CACNA1A: variants seen among roughly 807,000 people sequenced by gnomAD.
CACNA1A encodes calcium voltage-gated channel subunit alpha1 A, also known as voltage-dependent P/Q-type calcium channel subunit alpha-1A.
In CACNA1A, 57 loss-of-function variants were observed where a neutral mutation model predicts 262.4. The ratio of observed to expected loss-of-function variants is 0.22; its 90% CI spans 0.18 to 0.27. The LOEUF is 0.27. Ranked by LOEUF, CACNA1A falls within the 10% of genes least tolerant of loss-of-function variation. The pLI is 1.00. For missense variants in CACNA1A, 2,526 were observed against 3,562.8 expected, an observed-to-expected ratio of 0.71 and a Z score of 7.41; for synonymous variants, 1,431 against 1,419.3, an observed-to-expected ratio of 1.01 and a Z score of -0.18.
intron 3 of CACNA1A, among the ~76,000 whole-genome samples, chr19:13,436,047 A>T (rs1305249188): frequency 6.6e-6 from 1 of 151,362 alleles, no homozygotes; most frequent in Non-Finnish European, 1.5e-5. Context: ...CTGGTCTTGA[A>T]CTCCTGACCT....
chr19:13,319,308 TATTC>T (rs769403377), intron 10 of CACNA1A, among the ~76,000 whole-genome samples: 6 of 152,254 alleles, frequency 3.9e-5, no homozygotes, highest in South Asian at 2.1e-4. Context: ...TTTGTTCATT[TATTC>T]ATTCATTCTT....
At chr19:13,414,704 T>A (rs1034802982) in intron 3 of CACNA1A, among the ~76,000 whole-genome samples, 23 of 151,964 alleles carry the variant, frequency 1.5e-4, no homozygotes, top group Non-Finnish European at 1.3e-4. Context: ...ATGTCTGTAG[T>A]CCCAGCACTT....
intron 4 of CACNA1A, among the ~76,000 whole-genome samples, chr19:13,368,270 T>C (rs2059253110): frequency 2.0e-5 from 3 of 151,882 alleles, no homozygotes; most frequent in Admixed American, 6.6e-5. Context: ...GAGCTGTGAT[T>C]GCACCACTGC....
chr19:13,261,052 G>A, intron 26 of CACNA1A: 1 of 165,050 alleles, frequency 6.1e-6, no homozygotes, highest in East Asian at 1.7e-4. Flanking sequence ...CACATTTTAT[G>A]GCAGAAATAT....
At chr19:13,313,240 G>A (rs902452615) in intron 11 of CACNA1A, among the ~76,000 whole-genome samples, 1 of 152,002 alleles carries the variant, frequency 6.6e-6, no homozygotes. Context: ...GGTGGCTCAC[G>A]TCTGTAATCC....
At chr19:13,332,387 G>C (rs2058482341) in intron 9 of CACNA1A, among the ~76,000 whole-genome samples, 1 of 151,780 alleles carries the variant, frequency 6.6e-6, no homozygotes, top group Non-Finnish European at 1.5e-5. Context: ...GTGACAGAGC[G>C]AGACTCTGTC....
chr19:13,289,837 C>T (rs1251591644), intron 19 of CACNA1A, among the ~76,000 whole-genome samples: 1 of 151,826 alleles, frequency 6.6e-6, no homozygotes, highest in Non-Finnish European at 1.5e-5. Context: ...TATCCTATGC[C>T]TGTCCCGCTG....
At chr19:13,467,513 A>T (rs1216944608) in intron 1 of CACNA1A, among the ~76,000 whole-genome samples, 2 of 151,990 alleles carry the variant, frequency 1.3e-5, no homozygotes, top group Admixed American at 6.6e-5. Context: ...CTCACCATAC[A>T]TCCTTGTGCA....
In CACNA1A at chr19:13,255,349, T is replaced by C. The variant is rs536641009; in HGVS notation, c.4591-90A>G. 3.3e-5 allele frequency: 41 copies of C among 1,228,856 alleles called. No individual in the cohort carries two copies. The South Asian group carries it at 3.8e-4, about 11-fold the overall frequency. 76.1% of individuals were successfully genotyped at this position (1,228,856 alleles called of 1,614,324 possible). A position where few individuals can be genotyped will look rare whatever the true frequency, so the allele number is the denominator to read the frequency against. On this transcript the variant is annotated intron_variant, in intron 28 of 46. Transcript: ENST00000360228. Reference sequence around the variant, plus strand: ...CCCTCTGTCTAACTCGTCGCGGTTCTCAAGTGCTTCTGCTTGAGTCTCTGC... The same window carrying C: ...CCCTCTGTCTAACTCGTCGCGGTTCCCAAGTGCTTCTGCTTGAGTCTCTGC...
chr19:13,253,264 G>C (rs1021309260), intron 29 of CACNA1A, among the ~76,000 whole-genome samples, 163 bp from the exon 30 acceptor site: 17 of 151,258 alleles, frequency 1.1e-4, no homozygotes, highest in Admixed American at 2.0e-4. Context: ...CCCGCTCTCC[G>C]CCGGACTAGG....
chr19:13,425,649 A>G (rs1233943224), intron 3 of CACNA1A, among the ~76,000 whole-genome samples: 2 of 152,212 alleles, frequency 1.3e-5, no homozygotes. Flanking sequence ...TGTTGGTCTA[A>G]AAGTCTAAGA....
At chr19:13,326,328 A>G (rs1426816057) in intron 10 of CACNA1A, among the ~76,000 whole-genome samples, 1 of 146,764 alleles carries the variant, frequency 6.8e-6, no homozygotes, top group Non-Finnish European at 1.5e-5. Context: ...AAAAAAGAAA[A>G]AAAAGAAAAA....
chr19:13,224,310 G>A (rs1270883577), intron 38 of CACNA1A, among the ~76,000 whole-genome samples: 3 of 127,184 alleles, frequency 2.4e-5, no homozygotes, highest in Admixed American at 8.4e-5. Flanking sequence ...GGTGACAGAG[G>A]GAAATTGTCA....
At chr19:13,505,561 G>A (rs1232569344) in intron 1 of CACNA1A, among the ~76,000 whole-genome samples, 3 of 152,016 alleles carry the variant, frequency 2.0e-5, no homozygotes, top group Non-Finnish European at 2.9e-5. Context: ...GCCCAGGCCC[G>A]AGCCCGCTCC....
Position 13,286,911 on chromosome 19 carries a change from G to A in CACNA1A, c.3145C>T (p.Pro1049Ser), listed in dbSNP as rs2057414205. 6.2e-7 allele frequency: 1 copy of A among 1,612,960 alleles called. No individual in the cohort carries two copies. Among genetic ancestry groups the A allele is most frequent in the Non-Finnish European group, 8.5e-7 (1 of 1,179,620 alleles). The change falls in exon 20 of 47, where the codon CCA (proline) becomes TCA (serine). Residue 1049 changes from proline (P) to serine (S), a missense_variant. Pro to Ser is a moderately conservative substitution (Grantham distance 74). Coordinates refer to ENST00000360228, the MANE Select transcript of CACNA1A (RefSeq NM_001127222.2). ...TGGCGGCCCAGGTCCTGCTGGATTG[G>A]CCGGGTGGTTGACAGGTTGGGGCCC... ...VSGPNLSTTR[P>S]IQQDLGRQDP...
chr19:13,449,614 A>C (rs189497006), intron 3 of CACNA1A, among the ~76,000 whole-genome samples: 1 of 152,176 alleles, frequency 6.6e-6, no homozygotes, highest in Non-Finnish European at 1.5e-5. Context: ...CCCAGCCCAC[A>C]TATTTCTTAT....
intron 3 of CACNA1A, among the ~76,000 whole-genome samples, chr19:13,380,147 G>T (rs1461635005): frequency 7.6e-6 from 1 of 130,884 alleles, no homozygotes; most frequent in Non-Finnish European, 1.6e-5. Flanking sequence ...AGCTGGGCGT[G>T]GTGGCGGGTG....
chr19:13,296,150 A>C (rs1335813391), intron 19 of CACNA1A, among the ~76,000 whole-genome samples: 1 of 152,204 alleles, frequency 6.6e-6, no homozygotes. Context: ...TATCAGCCTC[A>C]TCTGGGAGCT....
Position 13,416,767 on chromosome 19 carries a change from A to C in CACNA1A, c.539+36109T>G, listed in dbSNP as rs180772925. Among the ~76,000 whole-genome samples the C allele has an allele frequency of 3.8e-3, 583 of 152,270 alleles. 7 individuals are homozygous for C. The highest frequency in any genetic ancestry group is 0.013 in the African/African-American group (550 of 41,552). On this transcript the variant is annotated intron_variant, in intron 3 of 46. Coordinates refer to ENST00000360228, the MANE Select transcript of CACNA1A (RefSeq NM_001127222.2). ...GAGGCGGAGGTGGCAGTGAGCTGAGATCGCGCCACTGCACTCCAGCCCAGG... is the reference window on the plus strand; with the variant it reads ...GAGGCGGAGGTGGCAGTGAGCTGAGCTCGCGCCACTGCACTCCAGCCCAGG...
Sources: gnomAD v4.1 joint callset for allele counts (sites outside exome capture counted in the v4.1 genomes callset) on GRCh38, gnomAD v4.1.1 for gene constraint, MANE v1.5 for transcripts, NCBI Gene and HGNC (gene_info 2026-07-23, HGNC 2026-07-21) for gene names.